ANO4: variants seen among roughly 807,000 people sequenced by gnomAD.
ANO4 encodes the protein anoctamin-4.
A neutral mutation model predicts 141.9 loss-of-function variants in ANO4; 69 were observed. The observed-to-expected ratio is 0.49, with a 90% CI of 0.40 to 0.59. The LOEUF (loss-of-function observed/expected upper bound fraction) is 0.59. Among genes scored for constraint, ANO4 ranks in the 20% least tolerant of loss-of-function variants. The probability of loss-of-function intolerance (pLI) is 0.00; values close to 1 mark genes in which losing one functional copy is unlikely to be tolerated. For synonymous variants in ANO4, 350 were observed against 394.3 expected, an observed-to-expected ratio of 0.89 and a Z score of 1.33; for missense variants, 894 against 1,162.2, an observed-to-expected ratio of 0.77 and a Z score of 3.36.
At chr12:100,914,408 A>G (rs1030971145) in intron 2 of ANO4, among the ~76,000 whole-genome samples, 2 of 152,202 alleles carry the variant, frequency 1.3e-5, no homozygotes, top group Non-Finnish European at 2.9e-5. Context: ...CCTTATAGTG[A>G]CTAGTGTGAG....
At chr12:100,944,404 T>G (rs898951005) in intron 5 of ANO4, among the ~76,000 whole-genome samples, 1 of 152,202 alleles carries the variant, frequency 6.6e-6, no homozygotes, top group Admixed American at 6.5e-5. Flanking sequence ...GTATTTATTT[T>G]AATGTGTACT....
At chr12:101,022,602 C>T (rs2046578002) in intron 9 of ANO4, among the ~76,000 whole-genome samples, 1 of 152,096 alleles carries the variant, frequency 6.6e-6, no homozygotes, top group East Asian at 1.9e-4. Context: ...TAACATTGTA[C>T]CATAAACATA....
intron 17 of ANO4, among the ~76,000 whole-genome samples, chr12:101,088,003 A>G (rs2049575049): frequency 6.6e-6 from 1 of 152,088 alleles, no homozygotes; most frequent in African/African-American, 2.4e-5. Flanking sequence ...AGCTTCTTAC[A>G]TGTAAGTCAG....
chr12:100,991,755 G>A (rs1397326432), intron 8 of ANO4, among the ~76,000 whole-genome samples: 1 of 151,894 alleles, frequency 6.6e-6, no homozygotes, highest in Admixed American at 6.6e-5. Context: ...ACTCATTTTT[G>A]AATCCCATAG....
chr12:101,083,685 T>C lies in ANO4; in HGVS notation c.1403T>C (p.Ile468Thr). 1 of 1,606,404 alleles carries C rather than the reference T, an allele frequency of 6.2e-7. No individual in the cohort carries two copies. Among genetic ancestry groups the C allele is most frequent in the Non-Finnish European group, 8.5e-7 (1 of 1,178,322 alleles). Residue 468 changes from isoleucine (I) to threonine (T), a missense_variant, in exon 16 of 28, where the codon ATA (isoleucine) becomes ACA (threonine). Physicochemically the swap from Ile to Thr is moderately conservative, Grantham distance 89 (BLOSUM62 -1). Around this residue, in one of 2 missense-constraint regions of ANO4, gnomAD observed 637 missense variants for 909.2 expected, o/e 0.70. Coordinates refer to ENST00000392977, the MANE Select transcript of ANO4 (RefSeq NM_001286615.2). ...LIDWEEEEEE[I>T]RPQFEAKYSK... ...TGTCTGCTTGTCCTTTAGGAAGAAA[T>C]ACGACCCCAGTTTGAAGCCAAGTAT...
chr12:100,754,742 G>A (rs1300736616), intron 3 of ANO4, among the ~76,000 whole-genome samples: 2 of 152,080 alleles, frequency 1.3e-5, no homozygotes, highest in African/African-American at 4.8e-5. Context: ...AGCTGTAGAA[G>A]GAATTAAGTA....
At chr12:100,785,110 C>T (rs1006524841) in intron 3 of ANO4, among the ~76,000 whole-genome samples, 1 of 152,132 alleles carries the variant, frequency 6.6e-6, no homozygotes, top group African/African-American at 2.4e-5. Flanking sequence ...TCTAGGTTTA[C>T]AGCATAGTTG....
chr12:101,051,452 T>G (rs1201667448), intron 14 of ANO4, among the ~76,000 whole-genome samples: 3 of 152,220 alleles, frequency 2.0e-5, no homozygotes, highest in Non-Finnish European at 4.4e-5. Flanking sequence ...ACTTATTGCT[T>G]AAATCCCACA....
At chr12:100,919,477 A>G (rs1391400377) in intron 2 of ANO4, among the ~76,000 whole-genome samples, 4 of 152,292 alleles carry the variant, frequency 2.6e-5, no homozygotes, top group East Asian at 1.9e-4. Context: ...TATTCAGTGC[A>G]GTAACATGCT....
At chr12:100,758,545 G>A (rs1219472200) in intron 3 of ANO4, among the ~76,000 whole-genome samples, 1 of 152,152 alleles carries the variant, frequency 6.6e-6, no homozygotes, top group African/African-American at 2.4e-5. Context: ...TCTCTTAAAT[G>A]TTGTGATCCC....
intron 5 of ANO4, among the ~76,000 whole-genome samples, chr12:100,960,081 C>G (rs1038686591): frequency 6.6e-6 from 1 of 152,164 alleles, no homozygotes; most frequent in Non-Finnish European, 1.5e-5. Flanking sequence ...AGGCTCTGCT[C>G]ACAGCTCAAT....
Position 100,867,204 on chromosome 12 carries a change from GT to G in ANO4, c.-140-34439del, listed in dbSNP as rs534104321. Among the ~76,000 whole-genome samples the G allele has an allele frequency of 5.5e-3, 840 of 152,270 alleles. 9 individuals are homozygous for G. Among genetic ancestry groups the G allele is most frequent in the Non-Finnish European group, 9.8e-3 (670 of 68,032 alleles). ...GTGATTGGCAATATCACTTGGTTCA[GT>G]TTATGACTCTTGCTTAACGGTCTTC... On this transcript the variant is annotated intron_variant, in intron 1 of 27. Coordinates refer to ENST00000392977, the MANE Select transcript of ANO4 (RefSeq NM_001286615.2).
At chr12:100,998,564 G>A (rs768506299) in intron 8 of ANO4, among the ~76,000 whole-genome samples, 8 of 152,164 alleles carry the variant, frequency 5.3e-5, no homozygotes, top group African/African-American at 7.2e-5. Flanking sequence ...AGTTGAAAAT[G>A]GTTCCATGTT....
intron 8 of ANO4, among the ~76,000 whole-genome samples, chr12:100,996,476 G>A (rs1566105376): frequency 6.6e-6 from 1 of 152,192 alleles, no homozygotes; most frequent in Non-Finnish European, 1.5e-5. Context: ...CCTGAGGTCA[G>A]GAGTTTGAGA....
intron 1 of ANO4, among the ~76,000 whole-genome samples, chr12:100,887,618 A>G (rs1303552829): frequency 6.6e-6 from 1 of 152,110 alleles, no homozygotes; most frequent in Non-Finnish European, 1.5e-5. Context: ...GTACTGGGGA[A>G]TGCCTCTGTC....
At chr12:100,727,818 C>G (rs1379331269) in intron 1 of ANO4, among the ~76,000 whole-genome samples, 1 of 152,096 alleles carries the variant, frequency 6.6e-6, no homozygotes, top group Non-Finnish European at 1.5e-5. Context: ...CACCACCCTA[C>G]CCCATCCTTA....
chr12:100,800,242 T>C (rs1312589302), intron 1 of ANO4, among the ~76,000 whole-genome samples: 1 of 152,218 alleles, frequency 6.6e-6, no homozygotes, highest in Non-Finnish European at 1.5e-5. Flanking sequence ...ATTAATTCCT[T>C]CACCATTCAC....
chr12:101,040,151 C>A, intron 11 of ANO4, 75 bp downstream of exon 11: 1 of 1,491,166 alleles, frequency 6.7e-7, no homozygotes, highest in Non-Finnish European at 9.0e-7. Flanking sequence ...GGACAAGCTC[C>A]CAATGAAGCA....
chr12:101,077,579 TAAC>T, intron 14 of ANO4, among the ~76,000 whole-genome samples: 1 of 152,306 alleles, frequency 6.6e-6, no homozygotes, highest in South Asian at 2.1e-4. Flanking sequence ...GTATCTTCCT[TAAC>T]AACTGTAACT....
Sources: gnomAD v4.1 joint callset for allele counts (sites outside exome capture counted in the v4.1 genomes callset) on GRCh38, gnomAD v4.1.1 for gene constraint, gnomAD v4.1.1 regional missense constraint, MANE v1.5 for transcripts, NCBI Gene and HGNC (gene_info 2026-07-23, HGNC 2026-07-21) for gene names.